Variants in POLR3F observed in about 807,000 individuals in gnomAD.
POLR3F encodes the protein RNA polymerase III subunit F, also known as DNA-directed RNA polymerase III subunit RPC6.
POLR3F carries 31 observed loss-of-function variants against 43.6 expected under a neutral mutation model. The observed-to-expected ratio is 0.71, with a 90% CI of 0.53 to 0.96. The LOEUF (loss-of-function observed/expected upper bound fraction) is 0.96. POLR3F is among the 40% of genes least tolerant of loss of function. POLR3F has a pLI of 0.00. For synonymous variants in POLR3F, 114 were observed against 132.5 expected, an observed-to-expected ratio of 0.86 and a Z score of 0.96; for missense variants, 316 against 391.7, an observed-to-expected ratio of 0.81 and a Z score of 1.63.
Position 18,484,600 on chromosome 20 carries a change from T to C in POLR3F, c.*1042T>C, listed in dbSNP as rs2424214. The stretch of plus-strand genomic sequence containing the variant: ...TGTAAGCACCTTGATCTTGGACTTC[T>C]CAGCCTCCAGAATTGTGAGAAATAA... On this transcript the variant is annotated 3_prime_UTR_variant, in exon 9 of 9. Coordinates refer to ENST00000377603, the MANE Select transcript of POLR3F (RefSeq NM_006466.4). 154,555 of 155,910 alleles carry C rather than the reference T, an allele frequency of 0.99. 76,609 individuals carry two copies. Among genetic ancestry groups the C allele is most frequent in the East Asian group, 1 (5,317 of 5,318 alleles). 9.7% of individuals were successfully genotyped at this position (155,910 alleles called of 1,614,324 possible). A position where few individuals can be genotyped will look rare whatever the true frequency, so the allele number is the denominator to read the frequency against.
At chr20:18,479,156 AAG>A (rs1435128484) in intron 5 of POLR3F, among the ~76,000 whole-genome samples, 1 of 152,028 alleles carries the variant, frequency 6.6e-6, no homozygotes, top group Non-Finnish European at 1.5e-5. Context: ...CAAAAAAAAA[AAG>A]AAAAGAAAAT....
intron 2 of POLR3F, among the ~76,000 whole-genome samples, chr20:18,469,884 C>T (rs1162848593): frequency 6.6e-6 from 1 of 152,152 alleles, no homozygotes; most frequent in East Asian, 1.9e-4. Context: ...TATGAGTTGT[C>T]ACAGAGCCCA....
intron 2 of POLR3F, among the ~76,000 whole-genome samples, chr20:18,470,365 A>G (rs2059742893): frequency 6.6e-6 from 1 of 152,254 alleles, no homozygotes; most frequent in South Asian, 2.1e-4. Flanking sequence ...ATAAAGTGCC[A>G]GACAGTATAT....
chr20:18,473,129 T>C (rs1216912864), intron 3 of POLR3F: 1 of 339,228 alleles, frequency 2.9e-6, no homozygotes. Context: ...TATTTATATA[T>C]AATCTTTCTC....
rs6081160 is a variant in POLR3F, at chr20:18,479,997, G to A, written c.430-41G>A. 0.45 allele frequency: 674,267 copies of A among 1,497,856 alleles called. 155,544 individuals carry two copies. The highest frequency in any genetic ancestry group is 0.47 in the Non-Finnish European group (523,889 of 1,111,348). 92.8% of individuals were successfully genotyped at this position (1,497,856 alleles called of 1,614,324 possible). ...ATAGGTGTTTTTGTTTTTGGAAATT[G>A]TTATCTTATAAACACATGAACTGTG... is the stretch of plus-strand genomic sequence containing the variant. On this transcript the variant is annotated intron_variant, in intron 5 of 8. Transcript: ENST00000377603.
intron 7 of POLR3F, among the ~76,000 whole-genome samples, chr20:18,481,009 A>G (rs112210931): frequency 5.3e-5 from 8 of 152,238 alleles, no homozygotes; most frequent in African/African-American, 1.9e-4. Flanking sequence ...GCATTTTATA[A>G]ATCTCCAATA....
intron 4 of POLR3F, among the ~76,000 whole-genome samples, chr20:18,473,748 T>G (rs1247594967): frequency 1.3e-5 from 2 of 152,200 alleles, no homozygotes; most frequent in Non-Finnish European, 2.9e-5. Context: ...TAAGTTTTTT[T>G]TTTAAATCTG....
chr20:18,480,565 T>A, intron 7 of POLR3F, 56 bp downstream of exon 7: 1 of 992,682 alleles, frequency 1.0e-6, no homozygotes, highest in Non-Finnish European at 1.6e-6. Context: ...ACATACAATG[T>A]ATTCCAAACA....
At chr20:18,469,161 A>C in intron 2 of POLR3F, 100 bp downstream of exon 2, 1 of 728,152 alleles carries the variant, frequency 1.4e-6, no homozygotes. Flanking sequence ...AACTTGACTA[A>C]GATACAGGAT....
In POLR3F at chr20:18,481,629, C is replaced by A; in HGVS notation, c.692C>A (p.Ser231Tyr). ...CELGISKVEL[S>Y]MEDIETILNT... Reference sequence around the variant, plus strand: ...GTATCCCTTTTTTAGGTAGAGTTATCCATGGAAGACATTGAAACCATCCTG... The same window carrying A: ...GTATCCCTTTTTTAGGTAGAGTTATACATGGAAGACATTGAAACCATCCTG... Residue 231 changes from serine (S) to tyrosine (Y), a missense_variant, in exon 8 of 9, where the codon TCC becomes TAC. This residue lies in a region of POLR3F where 109 missense variants were observed against 177.7 expected (regional missense o/e 0.61). Transcript: ENST00000377603. 6.2e-7 allele frequency: 1 copy of A among 1,602,804 alleles called. No homozygotes were observed. Among genetic ancestry groups the A allele is most frequent in the African/African-American group, 1.3e-5 (1 of 74,802 alleles).
Position 18,468,979 on chromosome 20 carries a change from T to C in POLR3F, c.98T>C (p.Ile33Thr). The change falls in exon 2 of 9, where the codon ATC (isoleucine) becomes ACC (threonine). Residue 33 changes from isoleucine to threonine, a missense_variant. By Grantham distance (89) the Ile-to-Thr change is moderately conservative. Transcript: ENST00000377603. ...TTATGTCACCAGTTCCCTCATGGAA[T>C]CACAGACCAAGTAATTCAGAATGAA... ...IELCHQFPHG[I>T]TDQVIQNEMP... 2 of 1,584,498 alleles carry C rather than the reference T, an allele frequency of 1.3e-6. No individual in the cohort carries two copies. The highest frequency in any genetic ancestry group is 2.2e-5 in the South Asian group (2 of 90,484).
intron 8 of POLR3F, 106 bp downstream of exon 8, chr20:18,481,916 C>T (rs191638015): frequency 4.4e-4 from 300 of 674,582 alleles, no homozygotes; most frequent in Non-Finnish European, 6.9e-4. Context: ...TTAGGGTTGA[C>T]CAAGAGCTAT....
chr20:18,482,014 G>T (rs2059813284), intron 8 of POLR3F, among the ~76,000 whole-genome samples: 1 of 129,214 alleles, frequency 7.7e-6, no homozygotes. Context: ...TTGAGACGGA[G>T]TCTCACTCTA....
chr20:18,468,803 A>T (rs1338029112), intron 1 of POLR3F, 141 bp from the exon 2 acceptor site: 2 of 611,904 alleles, frequency 3.3e-6, no homozygotes, highest in Middle Eastern at 4.5e-4. Flanking sequence ...ACATGCTTTG[A>T]TCCAAAACCA....
chr20:18,480,187 G>GT lies in POLR3F; in HGVS notation c.573+7dup. On this transcript the variant is annotated splice_region_variant and intron_variant, in intron 6 of 8. Transcript: ENST00000377603. ...TTAAATTCCTACAGTCCAAGGTGAG[G>GT]TATGATTGAGGAAACATCACTGCAA... is the stretch of plus-strand genomic sequence containing the variant. 6.2e-7 allele frequency: 1 copy of GT among 1,607,308 alleles called. No individual in the cohort carries two copies. The highest frequency in any genetic ancestry group is 8.5e-7 in the Non-Finnish European group (1 of 1,175,530).
chr20:18,467,781 G>C, intron 1 of POLR3F: 1 of 977,416 alleles, frequency 1.0e-6, no homozygotes, highest in Admixed American at 3.0e-5. Flanking sequence ...TTGCAACTTT[G>C]TGTAGCTGGC....
intron 1 of POLR3F, among the ~76,000 whole-genome samples, chr20:18,468,628 G>T (rs886508056): frequency 4.0e-5 from 6 of 151,782 alleles, no homozygotes; most frequent in Admixed American, 3.3e-4. Context: ...ACTTTGTCAT[G>T]CTTATTACAC....
rs1216623126 is a variant in POLR3F at position 18,481,694 on chromosome 20, A to G, written c.757A>G (p.Ile253Val). ...IYDGKVEMTIIAAKEGTVGSV... is the reference protein window; with the variant it reads ...IYDGKVEMTIVAAKEGTVGSV... Reference sequence around the variant, plus strand: ...TGATGGAAAAGTGGAGATGACGATTATTGCTGCAAAAGAAGGCACAGTTGG... The same window carrying G: ...TGATGGAAAAGTGGAGATGACGATTGTTGCTGCAAAAGAAGGCACAGTTGG... Residue 253 changes from isoleucine to valine, a missense_variant, in exon 8 of 9, where the codon ATT becomes GTT. Physicochemically the swap from Ile to Val is conservative, Grantham distance 29. Around this residue, in one of 3 missense-constraint regions of POLR3F, gnomAD observed 109 missense variants for 177.7 expected, o/e 0.61. Transcript: ENST00000377603. 6.2e-7 allele frequency: 1 copy of G among 1,612,816 alleles called. No homozygotes were observed.
chr20:18,473,570 G>C (rs2059764946), intron 4 of POLR3F, 112 bp downstream of exon 4: 4 of 539,610 alleles, frequency 7.4e-6, no homozygotes, highest in Non-Finnish European at 1.4e-5. Flanking sequence ...TACTGAGGAA[G>C]GTAATAGAAC....
Sources: gnomAD v4.1 joint callset for allele counts (sites outside exome capture counted in the v4.1 genomes callset) on GRCh38, gnomAD v4.1.1 for gene constraint, gnomAD v4.1.1 regional missense constraint, MANE v1.5 for transcripts, NCBI Gene and HGNC (gene_info 2026-07-23, HGNC 2026-07-21) for gene names.